The following RBFOX1 variants were observed in gnomAD, a reference collection of about 807,000 sequenced individuals.
RBFOX1 encodes RNA binding fox-1 homolog 1, also known as RNA binding protein fox-1 homolog 1.
RBFOX1 carries 8 observed loss-of-function variants against 57.7 expected under a neutral mutation model. The observed-to-expected ratio is 0.14, with a 90% confidence interval of 0.08 to 0.25. RBFOX1 has a LOEUF of 0.25. RBFOX1 is among the 10% of genes least tolerant of loss of function. The probability of loss-of-function intolerance (pLI) is 1.00; values close to 1 mark genes in which losing one functional copy is unlikely to be tolerated. For synonymous variants in RBFOX1, 326 were observed against 222.4 expected, an observed-to-expected ratio of 1.47 and a Z score of -4.15; for missense variants, 611 against 548.5, an observed-to-expected ratio of 1.11 and a Z score of -1.14.
chr16:5,406,634 A>G (rs768137379), intron 1 of RBFOX1, among the ~76,000 whole-genome samples: 5 of 151,930 alleles, frequency 3.3e-5, no homozygotes, highest in Admixed American at 6.6e-5. Context: ...ATATGCATGC[A>G]TGTGTGTATA....
chr16:6,248,815 T>C (rs1330258460), intron 1 of RBFOX1, among the ~76,000 whole-genome samples: 1 of 152,166 alleles, frequency 6.6e-6, no homozygotes, highest in Non-Finnish European at 1.5e-5. Context: ...TTCGCATCCA[T>C]AGCCACATGC....
chr16:7,019,813 C>T (rs1287262674), intron 3 of RBFOX1, among the ~76,000 whole-genome samples: 2 of 152,174 alleles, frequency 1.3e-5, no homozygotes, highest in East Asian at 1.9e-4. Context: ...CCCATTAATC[C>T]TGAACATATG....
intron 4 of RBFOX1, among the ~76,000 whole-genome samples, chr16:7,166,972 C>CTTTTTGTTTTTTTTTTTTT (rs2079653361): frequency 2.0e-5 from 1 of 49,098 alleles, no homozygotes; most frequent in Non-Finnish European, 3.4e-5. Flanking sequence ...CATTGGTGTT[C>CTTTTTGTTTTTTTTTTTTT]TTTTTTTTTT....
chr16:6,164,448 C>CT lies in RBFOX1; in HGVS notation c.-127+144462dup, dbSNP rs556214874. Reference sequence around the variant, plus strand: ...TAGAAGTGATGTTTTCCACAGAGTTCTTTTTTGCATTGTTATATTGATTTT... The same window carrying CT: ...TAGAAGTGATGTTTTCCACAGAGTTCTTTTTTTGCATTGTTATATTGATTTT... On this transcript the variant is annotated intron_variant, in intron 1 of 15. Transcript: ENST00000550418. Among the ~76,000 whole-genome samples the CT allele has an allele frequency of 3.2e-4, 48 of 148,164 alleles. No homozygotes were observed. In the East Asian group the frequency reaches 3.8e-3, roughly 12 times the overall value.
At chr16:7,630,501 T>G (rs1568183068) in intron 10 of RBFOX1, 102 bp from the exon 11 acceptor site, 3 of 1,556,274 alleles carry the variant, frequency 1.9e-6, no homozygotes, top group Non-Finnish European at 2.6e-6. Context: ...GGGATGTGGC[T>G]ATGTTTTCAT....
intron 4 of RBFOX1, among the ~76,000 whole-genome samples, chr16:7,415,385 C>T (rs1233340513): frequency 3.9e-5 from 6 of 152,084 alleles, no homozygotes; most frequent in Admixed American, 3.9e-4. Flanking sequence ...AGCTCTGAGC[C>T]AGTGCACTTG....
chr16:7,192,662 T>A (rs1394055769), intron 4 of RBFOX1, among the ~76,000 whole-genome samples: 1 of 152,124 alleles, frequency 6.6e-6, no homozygotes, highest in Non-Finnish European at 1.5e-5. Context: ...TGTTTCGACG[T>A]CAATTTCCTG....
intron 1 of RBFOX1, among the ~76,000 whole-genome samples, chr16:6,300,702 G>T (rs1182910352): frequency 6.6e-6 from 1 of 152,090 alleles, no homozygotes; most frequent in East Asian, 1.9e-4. Flanking sequence ...CGTGCATCTA[G>T]CTTGTAGCCC....
chr16:6,842,368 T>C (rs1455092144), intron 3 of RBFOX1, among the ~76,000 whole-genome samples: 1 of 152,062 alleles, frequency 6.6e-6, no homozygotes. Context: ...TGTGCACATA[T>C]AGAGAAGAAA....
intron 4 of RBFOX1, among the ~76,000 whole-genome samples, chr16:5,968,220 A>G (rs959364381): frequency 3.3e-5 from 5 of 152,032 alleles, no homozygotes; most frequent in East Asian, 1.9e-4. Flanking sequence ...GATTATGGGC[A>G]TGTACCACCA....
At chr16:6,519,576 C>G (rs1423923468) in intron 2 of RBFOX1, among the ~76,000 whole-genome samples, 4 of 152,132 alleles carry the variant, frequency 2.6e-5, no homozygotes, top group African/African-American at 9.7e-5. Context: ...TGGTACATGC[C>G]TGCAATTCCA....
At chr16:5,296,367 G>C (rs887049850) in intron 1 of RBFOX1, among the ~76,000 whole-genome samples, 3 of 152,092 alleles carry the variant, frequency 2.0e-5, no homozygotes, top group African/African-American at 7.2e-5. Context: ...TGTCATGTAA[G>C]TCTGCATCCT....
chr16:6,069,152 A>C (rs1220218508), intron 1 of RBFOX1, among the ~76,000 whole-genome samples: 1 of 152,150 alleles, frequency 6.6e-6, no homozygotes, highest in Non-Finnish European at 1.5e-5. Context: ...TAATCCCAGC[A>C]CTTTGGGAGG....
chr16:7,689,145 T>C (rs1195711465), intron 14 of RBFOX1, among the ~76,000 whole-genome samples: 1 of 152,140 alleles, frequency 6.6e-6, no homozygotes, highest in African/African-American at 2.4e-5. Flanking sequence ...CTTGGCAACT[T>C]GCAGTCATAA....
At position 6,680,575 on chromosome 16, in the gene RBFOX1, T is replaced by C. The variant is rs1332201303; in HGVS notation, c.-16+25925T>C. On this transcript the variant is annotated intron_variant, in intron 3 of 15. Coordinates refer to ENST00000550418, the MANE Select transcript of RBFOX1 (RefSeq NM_018723.4). ...ACCGCGTCCGGCCCTCTTTGCTTTT[T>C]CTTAGACCTCCTAGCAGATGATTTG... is the stretch of plus-strand genomic sequence containing the variant. Among the ~76,000 whole-genome samples, 3 of 152,206 alleles carry C rather than the reference T, an allele frequency of 2.0e-5. No individual in the cohort carries two copies. In the East Asian group the frequency reaches 5.8e-4, roughly 29 times the overall value.
At chr16:7,464,288 A>C (rs1015113548) in intron 4 of RBFOX1, among the ~76,000 whole-genome samples, 7 of 152,208 alleles carry the variant, frequency 4.6e-5, no homozygotes, top group African/African-American at 1.7e-4. Flanking sequence ...AGTAGGAGCC[A>C]GTGACATTAG....
chr16:7,441,718 C>T (rs1373536134), intron 4 of RBFOX1, among the ~76,000 whole-genome samples: 1 of 152,180 alleles, frequency 6.6e-6, no homozygotes, highest in African/African-American at 2.4e-5. Context: ...GCAACATCCG[C>T]ACACTTCACC....
chr16:7,629,322 T>G (rs2142538764), intron 10 of RBFOX1, among the ~76,000 whole-genome samples: 1 of 152,274 alleles, frequency 6.6e-6, no homozygotes, highest in South Asian at 2.1e-4. Flanking sequence ...TAACTACATT[T>G]TTGTTGATCA....
At chr16:5,450,302 T>G (rs367786296) in intron 1 of RBFOX1, among the ~76,000 whole-genome samples, 8 of 152,286 alleles carry the variant, frequency 5.3e-5, no homozygotes, top group Admixed American at 2.0e-4. Flanking sequence ...TGGGTCCTGC[T>G]TACATAAACA....
Sources: allele counts gnomAD v4.1 joint callset (sites outside exome capture counted in the v4.1 genomes callset), GRCh38; gene constraint gnomAD v4.1.1; transcripts MANE v1.5; gene names NCBI Gene and HGNC (gene_info 2026-07-23, HGNC 2026-07-21).